DDRGK1: variants seen among roughly 807,000 people sequenced by gnomAD.
The protein encoded by DDRGK1 is DDRGK domain containing 1.
A neutral mutation model predicts 45.8 loss-of-function variants in DDRGK1; 38 were observed. That is an observed-to-expected ratio of 0.83 (90% confidence interval 0.64 to 1.09). DDRGK1 has a LOEUF of 1.09. Among genes scored for constraint, DDRGK1 ranks in the 50% least tolerant of loss-of-function variants. The pLI, the probability that DDRGK1 is intolerant of heterozygous loss-of-function variation, is 0.00. For synonymous variants in DDRGK1, 171 were observed against 168.7 expected (o/e 1.01, Z -0.11); for missense variants, 403 against 419.9 (o/e 0.96, Z 0.35).
At position 3,190,810 on chromosome 20, in the gene DDRGK1, T is replaced by C. The variant is rs1277162266; in HGVS notation, c.788A>G (p.Asp263Gly). 1.2e-6 allele frequency: 2 copies of C among 1,611,894 alleles called. No individual in the cohort carries two copies. Among genetic ancestry groups the C allele is most frequent in the African/African-American group, 1.3e-5 (1 of 74,904 alleles). ...TATGTAGATGAACTTGCCCCGGTCG[T>C]CAATCACACCTGTGGGGACATGCAG... is the stretch of plus-strand genomic sequence containing the variant. ...LAEGTITGVI[D>G]DRGKFIYITP... is the part of the protein sequence containing the mutation. The change falls in exon 9 of 9, where the codon GAC becomes GGC. Residue 263 changes from aspartate to glycine, a missense_variant. By Grantham distance (94) the Asp-to-Gly change is moderately conservative. Coordinates refer to ENST00000354488, the MANE Select transcript of DDRGK1 (RefSeq NM_023935.3).
intron 8 of DDRGK1, 109 bp downstream of exon 8, chr20:3,191,081 C>G (rs1477315323): frequency 2.8e-6 from 4 of 1,434,152 alleles, no homozygotes; most frequent in Non-Finnish European, 1.9e-6. Context: ...TTGCACACCC[C>G]TCCCCCCATC....
At chr20:3,191,524 G>T in intron 7 of DDRGK1, 1 of 710,280 alleles carries the variant, frequency 1.4e-6, no homozygotes, top group Non-Finnish European at 2.5e-6. Context: ...AACTGATTTG[G>T]GCTGCTTTGG....
Position 3,190,491 on chromosome 20 carries a change from G to T in DDRGK1, c.*162C>A. On this transcript the variant is annotated 3_prime_UTR_variant, in exon 9 of 9. Transcript: ENST00000354488. ...CTGCTTATCTAGGATCCTAGGCCAG[G>T]CCTTCTGCCACACCAAGCCACACCA... 1.2e-6 allele frequency: 1 copy of T among 868,634 alleles called. No individual in the cohort carries two copies. The highest frequency in any genetic ancestry group is 1.8e-6 in the Non-Finnish European group (1 of 568,488). 53.8% of individuals were successfully genotyped at this position (868,634 alleles called of 1,614,324 possible).
At chr20:3,197,596 A>T (rs1292875934) in intron 4 of DDRGK1, among the ~76,000 whole-genome samples, 3 of 152,178 alleles carry the variant, frequency 2.0e-5, no homozygotes, top group South Asian at 2.1e-4. Flanking sequence ...ACCAAACTCA[A>T]ATTAAGGGAC....
At chr20:3,194,372 G>C (rs1262986616) in intron 6 of DDRGK1, among the ~76,000 whole-genome samples, 1 of 152,216 alleles carries the variant, frequency 6.6e-6, no homozygotes, top group Admixed American at 6.5e-5. Flanking sequence ...GCGGACAGAA[G>C]GGGACACACT....
chr20:3,199,189 G>A (rs775090120), intron 4 of DDRGK1, among the ~76,000 whole-genome samples: 6 of 152,228 alleles, frequency 3.9e-5, no homozygotes, highest in Admixed American at 2.0e-4. Flanking sequence ...AATAATGTTA[G>A]AGTTTAGTTA....
intron 1 of DDRGK1, 141 bp downstream of exon 1, chr20:3,204,396 G>T: frequency 4.9e-6 from 4 of 817,518 alleles, no homozygotes; most frequent in Non-Finnish European, 7.5e-6. Context: ...AGCCCCACCC[G>T]GCACACGACT....
Position 3,204,556 on chromosome 20 carries a change from G to A in DDRGK1, c.72C>T (p.Ser24=). 6.4e-7 allele frequency: 1 copy of A among 1,573,988 alleles called. No individual in the cohort carries two copies. Among genetic ancestry groups the A allele is most frequent in the Non-Finnish European group, 8.6e-7 (1 of 1,166,182 alleles). The change falls in exon 1 of 9, where the codon AGC becomes AGT. Residue 24 remains serine (S), a synonymous_variant. Transcript: ENST00000354488. ...LVGFILFLTR[S]RGRAASAGQE... Reference sequence around the variant, plus strand: ...TCCTACCTGATGCCGCCCGGCCCCGGCTGCGAGTCAGGAAGAGGATAAAGC... The same window carrying A: ...TCCTACCTGATGCCGCCCGGCCCCGACTGCGAGTCAGGAAGAGGATAAAGC...
chr20:3,202,299 A>G (rs2067043804), intron 2 of DDRGK1, among the ~76,000 whole-genome samples: 1 of 152,168 alleles, frequency 6.6e-6, no homozygotes, highest in Admixed American at 6.6e-5. Context: ...CACCTAATGT[A>G]CCTTAAATAT....
chr20:3,197,205 AGAGT>A (rs2067014921), intron 4 of DDRGK1, among the ~76,000 whole-genome samples: 1 of 141,926 alleles, frequency 7.0e-6, no homozygotes, highest in African/African-American at 2.6e-5. Context: ...CCTGGATGAC[AGAGT>A]GAGACTCCAT....
intron 1 of DDRGK1, among the ~76,000 whole-genome samples, chr20:3,204,298 T>C (rs1017312156): frequency 6.7e-6 from 1 of 148,774 alleles, no homozygotes; most frequent in Admixed American, 6.7e-5. Flanking sequence ...TTCCCGGGGG[T>C]GAAGAGAGGG....
rs1198887360 is a variant in DDRGK1, at chr20:3,191,765, C to A, written c.729G>T (p.Gln243His). 5 of 1,603,642 alleles carry A rather than the reference C, an allele frequency of 3.1e-6. No individual in the cohort carries two copies. The highest frequency in any genetic ancestry group is 2.7e-5 in the African/African-American group (2 of 74,798). Residue 243 changes from glutamine to histidine, a missense_variant and splice_region_variant, in exon 7 of 9, where the codon CAG becomes CAT. By Grantham distance (24) the Gln-to-His change is conservative. Coordinates refer to ENST00000354488, the MANE Select transcript of DDRGK1 (RefSeq NM_023935.3). ...CAGCAGGCCACGTTCCAGGGCTTACCTGAGTGCGTAGGCCCACCTGGGAAG... is the reference window on the plus strand; with the variant it reads ...CAGCAGGCCACGTTCCAGGGCTTACATGAGTGCGTAGGCCCACCTGGGAAG... ...DLASQVGLRTQDTINRIQDLL... is the reference protein window; with the variant it reads ...DLASQVGLRTHDTINRIQDLL...
At chr20:3,202,126 C>T (rs2067043045) in intron 2 of DDRGK1, among the ~76,000 whole-genome samples, 1 of 150,682 alleles carries the variant, frequency 6.6e-6, no homozygotes, top group African/African-American at 2.5e-5. Context: ...ACTACAGGCA[C>T]ATACCATCAC....
chr20:3,191,617 G>T, intron 7 of DDRGK1, 148 bp downstream of exon 7: 1 of 935,650 alleles, frequency 1.1e-6, no homozygotes, highest in Non-Finnish European at 1.7e-6. Flanking sequence ...AGGATTCCCA[G>T]GGTGCCAGGA....
intron 1 of DDRGK1, among the ~76,000 whole-genome samples, chr20:3,203,959 AG>A (rs2067053820): frequency 6.6e-6 from 1 of 152,202 alleles, no homozygotes; most frequent in African/African-American, 2.4e-5. Context: ...ATGGGGGGAA[AG>A]AGGGAGGATG....
intron 4 of DDRGK1, among the ~76,000 whole-genome samples, chr20:3,196,352 A>C (rs2067009430): frequency 6.6e-6 from 1 of 152,042 alleles, no homozygotes; most frequent in South Asian, 2.1e-4. Context: ...CCTCAACCCA[A>C]CACATTTTCC....
In DDRGK1 at chr20:3,203,404, G is replaced by A. The variant is rs1448814834; in HGVS notation, c.104C>T (p.Pro35Leu). The change falls in exon 2 of 9, where the codon CCA becomes CTA. Residue 35 changes from proline (P) to leucine (L), a missense_variant. Transcript: ENST00000354488. ...TCCTGCCAGCTCCTCATTGTGCAGTGGCTCTTGGCCGGCTGTAGGGAAGAC... is the reference window on the plus strand; with the variant it reads ...TCCTGCCAGCTCCTCATTGTGCAGTAGCTCTTGGCCGGCTGTAGGGAAGAC... ...RGRAASAGQE[P>L]LHNEELAGAG... 2.5e-6 allele frequency: 4 copies of A among 1,578,224 alleles called. No individual in the cohort carries two copies. The highest frequency in any genetic ancestry group is 3.4e-6 in the Non-Finnish European group (4 of 1,162,100).
intron 4 of DDRGK1, among the ~76,000 whole-genome samples, chr20:3,198,073 T>C (rs1483920007): frequency 1.7e-5 from 2 of 120,922 alleles, no homozygotes; most frequent in Non-Finnish European, 3.2e-5. Context: ...CACTCCAGCC[T>C]GGGTGAGAGT....
intron 4 of DDRGK1, among the ~76,000 whole-genome samples, chr20:3,197,039 A>G (rs1340601881): frequency 1.3e-5 from 2 of 151,962 alleles, no homozygotes; most frequent in Non-Finnish European, 2.9e-5. Flanking sequence ...CCTGGCCAAC[A>G]TGGTGAAACC....
Sources: allele counts gnomAD v4.1 joint callset (sites outside exome capture counted in the v4.1 genomes callset), GRCh38; gene constraint gnomAD v4.1.1; transcripts MANE v1.5; gene names NCBI Gene and HGNC (gene_info 2026-07-23, HGNC 2026-07-21).